Variants in DHX9 observed in about 807,000 individuals in gnomAD.
DHX9 encodes the protein ATP-dependent RNA helicase A.
DHX9 carries 27 observed loss-of-function variants against 148.7 expected under a neutral mutation model. The observed-to-expected ratio is 0.18, with a 90% confidence interval of 0.13 to 0.25. The LOEUF is 0.25. Ranked by LOEUF, DHX9 falls within the 10% of genes least tolerant of loss-of-function variation. The pLI is 1.00. For synonymous variants in DHX9, 529 were observed against 516.6 expected (o/e 1.02, Z -0.33); for missense variants, 796 against 1,559.6 (o/e 0.51, Z 8.25).
At chr1:182,868,283 A>G (rs1329201777) in intron 14 of DHX9, among the ~76,000 whole-genome samples, 1 of 152,142 alleles carries the variant, frequency 6.6e-6, no homozygotes, top group African/African-American at 2.4e-5. Flanking sequence ...CTACCATATA[A>G]TTTTATGCAT....
intron 24 of DHX9, 133 bp downstream of exon 24, chr1:182,881,780 T>A: frequency 1.1e-6 from 1 of 938,582 alleles, no homozygotes; most frequent in Non-Finnish European, 1.5e-6. Context: ...ATTTCTTAGT[T>A]CTCGTGAACA....
At chr1:182,842,469 C>G in intron 1 of DHX9, 76 bp from the exon 2 acceptor site, 1 of 749,518 alleles carries the variant, frequency 1.3e-6, no homozygotes. Context: ...AACCCAGATT[C>G]AGTAATCTAG....
chr1:182,880,427 A>T, intron 21 of DHX9, 70 bp from the exon 22 acceptor site: 1 of 1,013,630 alleles, frequency 9.9e-7, no homozygotes, highest in Non-Finnish European at 1.5e-6. Flanking sequence ...ACCTTAATTT[A>T]GAGTAATGTT....
intron 22 of DHX9, among the ~76,000 whole-genome samples, chr1:182,880,944 G>A (rs1326540546): frequency 2.0e-5 from 3 of 152,160 alleles, no homozygotes; most frequent in South Asian, 2.1e-4. Flanking sequence ...TTGAAAGAGC[G>A]GTGTCAGGAA....
At chr1:182,847,366 TTTTTG>T (rs201029206) in intron 3 of DHX9, among the ~76,000 whole-genome samples, 7 of 152,328 alleles carry the variant, frequency 4.6e-5, no homozygotes, top group Non-Finnish European at 8.8e-5. Context: ...TGATTTGGTT[TTTTTG>T]TTTTGTTTTG....
At chr1:182,882,830 A>G (rs1233038578) in intron 24 of DHX9, among the ~76,000 whole-genome samples, 4 of 149,016 alleles carry the variant, frequency 2.7e-5, no homozygotes, top group South Asian at 2.1e-4. Flanking sequence ...GCGCCACTGC[A>G]CTCCAGCCTG....
intron 19 of DHX9, 52 bp from the exon 20 acceptor site, chr1:182,877,969 A>G: frequency 1.3e-6 from 2 of 1,597,142 alleles, no homozygotes; most frequent in Non-Finnish European, 1.7e-6. Flanking sequence ...GATATATAAT[A>G]GTTATTGATA....
chr1:182,844,035 G>T (rs377054381), intron 3 of DHX9, among the ~76,000 whole-genome samples: 1 of 152,118 alleles, frequency 6.6e-6, no homozygotes, highest in African/African-American at 2.4e-5. Context: ...TGCAGCCTCC[G>T]CCTCCTGGGT....
At chr1:182,885,110 A>G (rs1008442780) in intron 27 of DHX9, among the ~76,000 whole-genome samples, 3 of 152,250 alleles carry the variant, frequency 2.0e-5, no homozygotes, top group African/African-American at 7.2e-5. Flanking sequence ...GAAGTGACAC[A>G]GCCCAGATAG....
intron 7 of DHX9, among the ~76,000 whole-genome samples, chr1:182,857,384 A>G (rs956476385): frequency 6.6e-6 from 1 of 152,224 alleles, no homozygotes; most frequent in Non-Finnish European, 1.5e-5. Context: ...TAAGGATATG[A>G]GTAACTTAGC....
intron 14 of DHX9, among the ~76,000 whole-genome samples, 162 bp downstream of exon 14, chr1:182,867,205 T>C (rs1244867139): frequency 1.3e-5 from 2 of 152,172 alleles, no homozygotes; most frequent in African/African-American, 4.8e-5. Flanking sequence ...GATTATTCAA[T>C]CTTTTTTTTC....
chr1:182,855,346 G>T (rs1037913595), intron 6 of DHX9, among the ~76,000 whole-genome samples: 1 of 152,176 alleles, frequency 6.6e-6, no homozygotes, highest in Non-Finnish European at 1.5e-5. Context: ...TCTTATCATA[G>T]ATTTCTGATA....
intron 27 of DHX9, 117 bp from the exon 28 acceptor site, chr1:182,886,966 C>T (rs1309079094): frequency 2.4e-6 from 2 of 841,204 alleles, no homozygotes; most frequent in East Asian, 5.0e-5. Context: ...TCTATTTGTG[C>T]ATTTGGCTTC....
intron 18 of DHX9, 140 bp from the exon 19 acceptor site, chr1:182,876,690 G>T: frequency 2.2e-6 from 2 of 912,230 alleles, no homozygotes; most frequent in Non-Finnish European, 3.4e-6. Flanking sequence ...TTAGTAGATT[G>T]TTGTTCATTA....
At chr1:182,854,331 T>A (rs1340423894) in intron 6 of DHX9, among the ~76,000 whole-genome samples, 153 bp downstream of exon 6, 1 of 152,228 alleles carries the variant, frequency 6.6e-6, no homozygotes, top group Non-Finnish European at 1.5e-5. Flanking sequence ...CAAGAATAAT[T>A]ATTGATTTGT....
At position 182,858,487 on chromosome 1, in the gene DHX9, A is replaced by G. The variant is rs530626340; in HGVS notation, c.811-64A>G. On this transcript the variant is annotated intron_variant, in intron 8 of 27. Transcript: ENST00000367549. Reference sequence around the variant, plus strand: ...ATATTGTAGACCTAGTGTTGACTGTATAGTCTTAGCCCCATTATAGTAGAT... The same window carrying G: ...ATATTGTAGACCTAGTGTTGACTGTGTAGTCTTAGCCCCATTATAGTAGAT... The G allele has an allele frequency of 2.7e-4, 371 of 1,377,260 alleles. No individual in the cohort carries two copies. The African/African-American group carries it at 4.2e-3, about 16-fold the overall frequency. The allele number at this position is 1,377,260 out of a possible 1,614,324, so 85.3% of individuals were successfully genotyped here.
At chr1:182,854,326 ATAAT>A (rs1175361286) in intron 6 of DHX9, 148 bp downstream of exon 6, 13 of 774,346 alleles carry the variant, frequency 1.7e-5, no homozygotes, top group Middle Eastern at 3.2e-4. Context: ...TTGCACAAGA[ATAAT>A]TATTGATTTG....
intron 3 of DHX9, among the ~76,000 whole-genome samples, chr1:182,846,839 C>A (rs951990192): frequency 6.6e-6 from 1 of 151,498 alleles, no homozygotes; most frequent in African/African-American, 2.4e-5. Flanking sequence ...TTTCTTCTTT[C>A]CTCTTGGTGT....
chr1:182,856,137 TA>T (rs1159718948), intron 6 of DHX9, among the ~76,000 whole-genome samples: 25 of 152,220 alleles, frequency 1.6e-4, no homozygotes, highest in African/African-American at 5.8e-4. Context: ...AAAGGAATCT[TA>T]AAATAATTAT....
Sources: allele counts gnomAD v4.1 joint callset (sites outside exome capture counted in the v4.1 genomes callset), GRCh38; gene constraint gnomAD v4.1.1; transcripts MANE v1.5; gene names NCBI Gene and HGNC (gene_info 2026-07-23, HGNC 2026-07-21).